Variants in PIK3R4 observed in about 807,000 individuals in gnomAD.
PIK3R4 encodes phosphoinositide-3-kinase regulatory subunit 4, also known as phosphoinositide 3-kinase regulatory subunit 4.
PIK3R4 carries 46 observed loss-of-function variants against 136.5 expected under a neutral mutation model. The observed-to-expected ratio is 0.34, with a 90% CI of 0.27 to 0.43. PIK3R4 has a LOEUF of 0.43. Ranked by LOEUF, PIK3R4 falls within the 20% of genes least tolerant of loss-of-function variation. PIK3R4 has a pLI of 1.00. For synonymous variants in PIK3R4, 557 were observed against 566.7 expected (o/e 0.98, Z 0.24); for missense variants, 1,331 against 1,649.5 (o/e 0.81, Z 3.35).
chr3:130,695,941 A>G (rs915748299), intron 13 of PIK3R4, among the ~76,000 whole-genome samples: 2 of 152,074 alleles, frequency 1.3e-5, no homozygotes, highest in African/African-American at 4.8e-5. Flanking sequence ...AGGTTTTTTG[A>G]TTACTAATTT....
intron 15 of PIK3R4, among the ~76,000 whole-genome samples, chr3:130,684,917 C>CA (rs1036659813): frequency 9.0e-4 from 136 of 151,180 alleles, no homozygotes; most frequent in African/African-American, 2.0e-3. Context: ...ACACAAAAGG[C>CA]AAAAAAAATG....
chr3:130,692,298 G>A (rs1374528950), intron 13 of PIK3R4, among the ~76,000 whole-genome samples: 1 of 151,976 alleles, frequency 6.6e-6, no homozygotes. Context: ...GTAATTCCAG[G>A]CCATTTTTAT....
intron 6 of PIK3R4, 52 bp downstream of exon 6, chr3:130,728,411 A>T: frequency 8.9e-7 from 1 of 1,125,478 alleles, no homozygotes; most frequent in Non-Finnish European, 1.3e-6. Flanking sequence ...GCATGGAAGT[A>T]TTTGAGAGGA....
intron 9 of PIK3R4, among the ~76,000 whole-genome samples, chr3:130,713,341 C>CA (rs2066642929): frequency 6.6e-6 from 1 of 152,204 alleles, no homozygotes; most frequent in Non-Finnish European, 1.5e-5. Flanking sequence ...TTTTTCCACT[C>CA]AGACAAATGA....
rs1230038790 is a variant in PIK3R4 at position 130,681,035 on chromosome 3, A to G, written c.3739T>C (p.Cys1247Arg). 1.9e-6 allele frequency: 3 copies of G among 1,597,224 alleles called. No individual in the cohort carries two copies. Among genetic ancestry groups the G allele is most frequent in the Admixed American group, 1.7e-5 (1 of 59,926 alleles). Residue 1247 changes from cysteine to arginine, a missense_variant, in exon 18 of 20, where the codon TGT becomes CGT. Around this residue, in one of 2 missense-constraint regions of PIK3R4, gnomAD observed 1,180 missense variants for 1,407.0 expected, o/e 0.84. Transcript: ENST00000356763. ...PSPHSVHGIY[C>R]SPADGNPILL... Reference sequence around the variant, plus strand: ...ATAGGATTTCCATCTGCAGGACTACAGTAGATACCATGGACGCTATGAGGA... The same window carrying G: ...ATAGGATTTCCATCTGCAGGACTACGGTAGATACCATGGACGCTATGAGGA...
chr3:130,679,289 T>C lies in PIK3R4; in HGVS notation c.*26A>G, dbSNP rs1450195112. 4 of 1,427,526 alleles carry C rather than the reference T, an allele frequency of 2.8e-6. No homozygotes were observed. Among genetic ancestry groups the C allele is most frequent in the East Asian group, 2.5e-5 (1 of 39,670 alleles). 88.4% of individuals were successfully genotyped at this position (1,427,526 alleles called of 1,614,324 possible). A position where few individuals can be genotyped will look rare whatever the true frequency, so the allele number is the denominator to read the frequency against. ...AGTTATAGTATTATATTTATAACTA[T>C]TAAAATTTATACAAATCAGTAGGTT... is the stretch of plus-strand genomic sequence containing the variant. On this transcript the variant is annotated 3_prime_UTR_variant, in exon 20 of 20. Coordinates refer to ENST00000356763, the MANE Select transcript of PIK3R4 (RefSeq NM_014602.3).
In PIK3R4 at chr3:130,679,243, C is replaced by T; in HGVS notation, c.*72G>A. On this transcript the variant is annotated 3_prime_UTR_variant, in exon 20 of 20. Coordinates refer to ENST00000356763, the MANE Select transcript of PIK3R4 (RefSeq NM_014602.3). ...TGAAAATTAAGCAAATGAATCTGTT[C>T]TCTAGAAATGCCTTTTCTCGAGTTA... The T allele has an allele frequency of 1.1e-6, 1 of 945,042 alleles. No homozygotes were observed. The highest frequency in any genetic ancestry group is 1.5e-6 in the Non-Finnish European group (1 of 673,594). 58.5% of individuals were successfully genotyped at this position (945,042 alleles called of 1,614,324 possible).
rs552188008 is a variant in PIK3R4, at chr3:130,722,391, T to C, written c.1981+1023A>G. Among the ~76,000 whole-genome samples, 4 of 152,218 alleles carry C rather than the reference T, an allele frequency of 2.6e-5. No homozygotes were observed. In the South Asian group the frequency reaches 8.3e-4, roughly 32 times the overall value. On this transcript the variant is annotated intron_variant, in intron 7 of 19. Transcript: ENST00000356763. ...TCATCCTGGGATCAAAGACTAGAAA[T>C]AGCAAGGTCCAGAAAAATCTCCACA...
intron 13 of PIK3R4, among the ~76,000 whole-genome samples, chr3:130,701,443 C>T (rs1464719667): frequency 1.3e-5 from 2 of 150,530 alleles, no homozygotes; most frequent in East Asian, 2.0e-4. Flanking sequence ...ACCCAGGAGG[C>T]GGTGGTTGCA....
intron 1 of PIK3R4, among the ~76,000 whole-genome samples, 153 bp from the exon 2 acceptor site, chr3:130,745,417 T>C (rs566302721): frequency 1.9e-4 from 29 of 152,330 alleles, no homozygotes; most frequent in African/African-American, 6.5e-4. Flanking sequence ...GGGCAGCCTC[T>C]AAATTTCACA....
intron 4 of PIK3R4, among the ~76,000 whole-genome samples, chr3:130,731,108 C>G (rs1255597020): frequency 6.6e-6 from 1 of 152,174 alleles, no homozygotes; most frequent in Non-Finnish European, 1.5e-5. Context: ...AAAATAACTA[C>G]TTCTAATTTC....
At chr3:130,744,365 G>A (rs1177574775) in intron 2 of PIK3R4, 121 bp downstream of exon 2, 14 of 1,076,264 alleles carry the variant, frequency 1.3e-5, no homozygotes, top group South Asian at 1.1e-4. Context: ...CTGAAATAGC[G>A]TCTGAGGACA....
chr3:130,728,576 C>G lies in PIK3R4; in HGVS notation c.1694G>C (p.Cys565Ser). ...GGCTTTCTGACGTCCAAAGAATACA[C>G]ACAGCCGTGTTATTCCATTTTCCAT... ...TLMENGITRL[C>S]VFFGRQKAND... Residue 565 changes from cysteine to serine, a missense_variant, in exon 6 of 20, where the codon TGT becomes TCT. Transcript: ENST00000356763. The G allele has an allele frequency of 6.2e-7, 1 of 1,612,946 alleles. No homozygotes were observed. Among genetic ancestry groups the G allele is most frequent in the Non-Finnish European group, 8.5e-7 (1 of 1,179,428 alleles).
chr3:130,711,581 GT>G (rs551685301), intron 9 of PIK3R4, among the ~76,000 whole-genome samples: 48 of 152,334 alleles, frequency 3.2e-4, no homozygotes, highest in African/African-American at 9.9e-4. Context: ...ACAACACAAG[GT>G]TGGGAACAGT....
intron 12 of PIK3R4, among the ~76,000 whole-genome samples, chr3:130,705,063 T>C (rs533594954): frequency 1.3e-5 from 2 of 152,118 alleles, no homozygotes; most frequent in Non-Finnish European, 2.9e-5. Context: ...ACTCCTGACC[T>C]CAAGTGATCC....
intron 13 of PIK3R4, among the ~76,000 whole-genome samples, chr3:130,692,448 TAC>T (rs1412749571): frequency 6.6e-6 from 1 of 152,218 alleles, no homozygotes; most frequent in Non-Finnish European, 1.5e-5. Flanking sequence ...TTCATATAAA[TAC>T]AGTCATACAT....
intron 9 of PIK3R4, among the ~76,000 whole-genome samples, chr3:130,715,420 G>A (rs1003983415): frequency 1.3e-5 from 2 of 151,810 alleles, no homozygotes; most frequent in Non-Finnish European, 2.9e-5. Flanking sequence ...CACGGCACCC[G>A]GCCTGTTTCC....
intron 14 of PIK3R4, among the ~76,000 whole-genome samples, chr3:130,687,383 G>A (rs887827394): frequency 2.0e-5 from 3 of 152,130 alleles, no homozygotes; most frequent in Non-Finnish European, 4.4e-5. Context: ...CTTGAATCAT[G>A]TGAATTAAGC....
At chr3:130,702,145 A>G (rs1412345357) in intron 13 of PIK3R4, among the ~76,000 whole-genome samples, 2 of 152,154 alleles carry the variant, frequency 1.3e-5, no homozygotes, top group African/African-American at 4.8e-5. Context: ...TCTCTAAGAA[A>G]TAAAATAAAA....
Sources: allele counts gnomAD v4.1 joint callset (sites outside exome capture counted in the v4.1 genomes callset), GRCh38; gene constraint gnomAD v4.1.1; regional missense constraint gnomAD v4.1.1; transcripts MANE v1.5; gene names NCBI Gene and HGNC (gene_info 2026-07-23, HGNC 2026-07-21).